PTPRG: variants seen among roughly 807,000 people sequenced by gnomAD.
PTPRG encodes protein tyrosine phosphatase receptor type G.
In PTPRG, 102 loss-of-function variants were observed where a neutral mutation model predicts 165.3. The observed-to-expected ratio is 0.62, with a 90% confidence interval of 0.53 to 0.73. The LOEUF (loss-of-function observed/expected upper bound fraction) is 0.73. Among genes scored for constraint, PTPRG ranks in the 30% least tolerant of loss-of-function variants. The probability of loss-of-function intolerance (pLI) is 0.00; values close to 1 mark genes in which losing one functional copy is unlikely to be tolerated. For synonymous variants in PTPRG, 675 were observed against 669.5 expected (o/e 1.01, Z -0.13); for missense variants, 1,866 against 1,861.4 (o/e 1.00, Z -0.05).
intron 26 of PTPRG, among the ~76,000 whole-genome samples, chr3:62,280,532 T>A (rs1029107739): frequency 6.6e-6 from 1 of 151,954 alleles, no homozygotes; most frequent in Admixed American, 6.6e-5. Context: ...CCACACCCAT[T>A]AGGATAGCTA....
intron 28 of PTPRG, among the ~76,000 whole-genome samples, chr3:62,285,049 A>G (rs1702588821): frequency 6.6e-6 from 1 of 152,020 alleles, no homozygotes; most frequent in South Asian, 2.1e-4. Context: ...ACCATACCAG[A>G]TAAATGTCAT....
At chr3:61,780,861 A>C (rs2034526370) in intron 2 of PTPRG, among the ~76,000 whole-genome samples, 1 of 152,228 alleles carries the variant, frequency 6.6e-6, no homozygotes, top group Non-Finnish European at 1.5e-5. Flanking sequence ...CTATGTCCAT[A>C]TTCTTTGCTT....
chr3:62,068,262 C>G (rs762226851), intron 4 of PTPRG, among the ~76,000 whole-genome samples: 1 of 152,084 alleles, frequency 6.6e-6, no homozygotes, highest in Non-Finnish European at 1.5e-5. Context: ...GAGGCTGCCT[C>G]AGGGGAAAGG....
chr3:61,742,058 T>C (rs1054954660), intron 1 of PTPRG, among the ~76,000 whole-genome samples: 1 of 152,210 alleles, frequency 6.6e-6, no homozygotes, highest in East Asian at 1.9e-4. Flanking sequence ...TGCTGTTTCA[T>C]GTGGTATTCA....
rs2148910323 is a variant in PTPRG at position 62,295,816 on chromosome 3, A to G, written c.*2509A>G. 1 of 152,196 alleles carries G rather than the reference A, an allele frequency of 6.6e-6. No homozygotes were observed. The highest frequency in any genetic ancestry group is 1.9e-4 in the East Asian group (1 of 5,166). The allele number at this position is 152,196 out of a possible 1,614,324, so 9.4% of individuals were successfully genotyped here. A position where few individuals can be genotyped will look rare whatever the true frequency, so the allele number is the denominator to read the frequency against. On this transcript the variant is annotated 3_prime_UTR_variant, in exon 30 of 30. Coordinates refer to ENST00000474889, the MANE Select transcript of PTPRG (RefSeq NM_002841.4). ...TCCTCACCCCTGCAAGAGACAGCAT[A>G]TCCTCACTATTATTATTCATGTGTT... is the stretch of plus-strand genomic sequence containing the variant.
intron 2 of PTPRG, among the ~76,000 whole-genome samples, chr3:61,760,755 T>A (rs1161063428): frequency 1.3e-5 from 2 of 152,178 alleles, no homozygotes; most frequent in Non-Finnish European, 2.9e-5. Context: ...ATGCTCTCCC[T>A]CGCCCCTCCC....
chr3:61,675,321 A>G (rs1314433020), intron 1 of PTPRG, among the ~76,000 whole-genome samples: 1 of 152,162 alleles, frequency 6.6e-6, no homozygotes, highest in Non-Finnish European at 1.5e-5. Context: ...GAAAAATAAG[A>G]TTTAGCAGTA....
rs1553644926 is a variant in PTPRG at position 61,653,903 on chromosome 3, G to GCGGT, written c.85+91531_85+91532insCGGT. Among the ~76,000 whole-genome samples the GCGGT allele has an allele frequency of 3.0e-4, 42 of 137,920 alleles. 3 individuals carry two copies. In the South Asian group the frequency reaches 3.1e-3, roughly 10 times the overall value. The allele number at this position is 137,920 out of a possible 152,430, so 90.5% of individuals were successfully genotyped here. On this transcript the variant is annotated intron_variant, in intron 1 of 29. Transcript: ENST00000474889. ...AGGTTGTTAAGCGGGGAGCGGTGGG[G>GCGGT]GGCGCGGGGAACTGTAAGGGAACAT...
chr3:62,220,647 A>G (rs1441491831), intron 13 of PTPRG, among the ~76,000 whole-genome samples: 1 of 152,166 alleles, frequency 6.6e-6, no homozygotes, highest in African/African-American at 2.4e-5. Flanking sequence ...TTTTGGGGTG[A>G]GCATAGGAAC....
At chr3:62,206,089 C>T (rs894804230) in intron 12 of PTPRG, among the ~76,000 whole-genome samples, 3 of 152,156 alleles carry the variant, frequency 2.0e-5, no homozygotes, top group Admixed American at 6.5e-5. Flanking sequence ...ATTTGTTTGA[C>T]CACATTCCTG....
chr3:61,764,869 T>C (rs1204895873), intron 2 of PTPRG, among the ~76,000 whole-genome samples: 2 of 152,222 alleles, frequency 1.3e-5, no homozygotes, highest in Non-Finnish European at 2.9e-5. Flanking sequence ...AGACATTTTT[T>C]GGTTGTGACA....
intron 1 of PTPRG, among the ~76,000 whole-genome samples, chr3:61,684,870 G>T (rs1223037132): frequency 6.6e-6 from 1 of 152,154 alleles, no homozygotes; most frequent in Non-Finnish European, 1.5e-5. Flanking sequence ...CCAATATGGG[G>T]TGGTGAAGAT....
chr3:62,035,368 G>A (rs1173466003), intron 4 of PTPRG, among the ~76,000 whole-genome samples: 1 of 152,006 alleles, frequency 6.6e-6, no homozygotes, highest in Non-Finnish European at 1.5e-5. Flanking sequence ...AAATGAATGG[G>A]GTGGGTTGGG....
chr3:62,150,000 C>T (rs1704269438), intron 6 of PTPRG, among the ~76,000 whole-genome samples: 2 of 152,190 alleles, frequency 1.3e-5, no homozygotes, highest in African/African-American at 4.8e-5. Context: ...CTGGAGTGTT[C>T]TTCTCCCCAT....
intron 7 of PTPRG, 109 bp downstream of exon 7, chr3:62,157,333 C>G (rs528903471): frequency 2.7e-6 from 3 of 1,121,466 alleles, no homozygotes; most frequent in Admixed American, 2.5e-5. Context: ...TGATCCTGTG[C>G]ATATCATTGA....
At chr3:61,917,371 G>A (rs918375149) in intron 2 of PTPRG, among the ~76,000 whole-genome samples, 62 of 152,294 alleles carry the variant, frequency 4.1e-4, no homozygotes, top group African/African-American at 1.5e-3. Context: ...ATGAAATGGA[G>A]TGTTTAAGCG....
At chr3:62,062,810 G>C (rs1021007338) in intron 4 of PTPRG, among the ~76,000 whole-genome samples, 1 of 152,100 alleles carries the variant, frequency 6.6e-6, no homozygotes, top group East Asian at 1.9e-4. Context: ...CCACAGGCAT[G>C]TGCCACCATG....
intron 2 of PTPRG, among the ~76,000 whole-genome samples, chr3:61,818,430 G>A (rs1305520847): frequency 1.3e-5 from 2 of 152,108 alleles, no homozygotes; most frequent in Non-Finnish European, 2.9e-5. Context: ...GAATGCAAGA[G>A]CAAGTAGAGG....
chr3:62,255,216 GTA>G lies in PTPRG; in HGVS notation c.2559+3_2559+4del. 6.2e-7 allele frequency: 1 copy of G among 1,609,150 alleles called. No individual in the cohort carries two copies. The highest frequency in any genetic ancestry group is 8.5e-7 in the Non-Finnish European group (1 of 1,177,044). Reference sequence around the variant, plus strand: ...GCATGGGTTCTCTGAGGATTTTGAGGTATGTTTCAAGGCTGGAAGTTAACTTC... The same window carrying G: ...GCATGGGTTCTCTGAGGATTTTGAGGTGTTTCAAGGCTGGAAGTTAACTTC... On this transcript the variant is annotated splice_donor_variant and splice_donor_region_variant and intron_variant, in intron 16 of 29. Transcript: ENST00000474889. LOFTEE classifies it high-confidence loss of function. This position sits in a 1 kb window ranked among gnomAD's most constrained non-coding sequence, Gnocchi z 4.0.
Sources: gnomAD v4.1 joint callset for allele counts (sites outside exome capture counted in the v4.1 genomes callset) on GRCh38, gnomAD v4.1.1 for gene constraint, Gnocchi (gnomAD v3.1) non-coding constraint, MANE v1.5 for transcripts, NCBI Gene and HGNC (gene_info 2026-07-23, HGNC 2026-07-21) for gene names.